SH3BP4: variants seen among roughly 807,000 people sequenced by gnomAD.
The protein encoded by SH3BP4 is SH3 domain-binding protein 4.
In SH3BP4, 33 loss-of-function variants were observed where a neutral mutation model predicts 65.5. That is an observed-to-expected ratio of 0.50 (90% CI 0.38 to 0.67). SH3BP4 has a LOEUF of 0.67. Among genes scored for constraint, SH3BP4 ranks in the 30% least tolerant of loss-of-function variants. The pLI is 0.00. For missense variants in SH3BP4, 1,134 were observed against 1,261.4 expected, an observed-to-expected ratio of 0.90 and a Z score of 1.53; for synonymous variants, 552 against 545.5, an observed-to-expected ratio of 1.01 and a Z score of -0.17.
rs1696135332 is a variant in SH3BP4, at chr2:235,053,669, G to A, written c.2745G>A (p.Gln915=). 1.9e-6 allele frequency: 3 copies of A among 1,614,226 alleles called. No individual in the cohort carries two copies. In the South Asian group the frequency reaches 3.3e-5, roughly 18 times the overall value. Residue 915 remains glutamine (Q), a synonymous_variant, in exon 6 of 6, where the codon CAG becomes CAA. Transcript: ENST00000392011. The part of the protein sequence containing the change: ...QIGDSYRDVI[Q]ELHLGLDKMK... ...GGGACAGCTACCGGGATGTCATCCA[G>A]GAGCTGCACCTGGGCCTGGACAAGA...
intron 2 of SH3BP4, among the ~76,000 whole-genome samples, chr2:235,032,157 C>T (rs1269827662): frequency 6.6e-6 from 1 of 152,192 alleles, no homozygotes; most frequent in Non-Finnish European, 1.5e-5. Flanking sequence ...AGAGCCTCAC[C>T]CGGCGCAGTC....
chr2:234,952,311 G>T lies in SH3BP4; in HGVS notation c.-207+141G>T, dbSNP rs1342697908. ...CGCCGATCGTGCCACCGCCGCCTGAGTTCGGGGCTGCGCGGGTGCCTGGGC... is the reference window on the plus strand; with the variant it reads ...CGCCGATCGTGCCACCGCCGCCTGATTTCGGGGCTGCGCGGGTGCCTGGGC... On this transcript the variant is annotated intron_variant, in intron 1 of 5. Coordinates refer to ENST00000392011, the MANE Select transcript of SH3BP4 (RefSeq NM_014521.3). The surrounding 1 kb of genome is among the most constrained non-coding windows in gnomAD (Gnocchi z 6.5). 1.3e-5 allele frequency: 2 copies of T among 150,782 alleles called. No homozygotes were observed. The highest frequency in any genetic ancestry group is 3.0e-5 in the Non-Finnish European group (2 of 67,596). The allele number at this position is 150,782 out of a possible 1,614,324, so 9.3% of individuals were successfully genotyped here. A position where few individuals can be genotyped will look rare whatever the true frequency, so the allele number is the denominator to read the frequency against.
rs1422555456 is a variant in SH3BP4 at position 234,974,139 on chromosome 2, G to A, written c.-206-21164G>A. ...CCAGCACTTTGGGAGGCCGAGGCAG[G>A]TGGATCACCTGAGGTCAGGAGTTCG... On this transcript the variant is annotated intron_variant, in intron 1 of 5. Transcript: ENST00000392011. The surrounding 1 kb of genome is among the most constrained non-coding windows in gnomAD (Gnocchi z 4.6). Among the ~76,000 whole-genome samples, 2 of 152,128 alleles carry A rather than the reference G, an allele frequency of 1.3e-5. No homozygotes were observed. The highest frequency in any genetic ancestry group is 4.8e-5 in the African/African-American group (2 of 41,452).
chr2:235,023,498 G>A (rs1223179561), intron 2 of SH3BP4, among the ~76,000 whole-genome samples: 1 of 152,132 alleles, frequency 6.6e-6, no homozygotes, highest in Admixed American at 6.5e-5. Context: ...AGTGAGCCGA[G>A]ATCGCATCAC....
Position 235,026,844 on chromosome 2 carries a change from C to T in SH3BP4, c.-132-8027C>T, listed in dbSNP as rs1216873073. On this transcript the variant is annotated intron_variant, in intron 2 of 5. Transcript: ENST00000392011. This position sits in a 1 kb window ranked among gnomAD's most constrained non-coding sequence, Gnocchi z 4.6. ...ACTGTGAGTGAGTCTGATCGGCTGG[C>T]GTGCCTGTCGGTGGCTGCCCATGCC... 2.0e-5 allele frequency among the ~76,000 whole-genome samples: 3 copies of T among 151,114 alleles called. No individual in the cohort carries two copies. Among genetic ancestry groups the T allele is most frequent in the Admixed American group, 6.6e-5 (1 of 15,220 alleles).
intron 1 of SH3BP4, among the ~76,000 whole-genome samples, chr2:234,971,023 C>T (rs535437183): frequency 6.6e-6 from 1 of 152,236 alleles, no homozygotes; most frequent in East Asian, 1.9e-4. Context: ...TAAAAAAATT[C>T]TAAAATTGTG....
rs1220408929 is a variant in SH3BP4 at position 235,054,472 on chromosome 2, C to A, written c.*656C>A. 1 of 152,336 alleles carries A rather than the reference C, an allele frequency of 6.6e-6. No homozygotes were observed. Among genetic ancestry groups the A allele is most frequent in the Non-Finnish European group, 1.5e-5 (1 of 68,142 alleles). 9.4% of individuals were successfully genotyped at this position (152,336 alleles called of 1,614,324 possible). The stretch of plus-strand genomic sequence containing the variant: ...GCCTCACTCGTAGTAAATGACCATC[C>A]ATAGAATATGTGAATCTTTGGTGAG... On this transcript the variant is annotated 3_prime_UTR_variant, in exon 6 of 6. Transcript: ENST00000392011.
At chr2:234,964,739 C>T (rs1022044793) in intron 1 of SH3BP4, among the ~76,000 whole-genome samples, 38 of 152,266 alleles carry the variant, frequency 2.5e-4, no homozygotes, top group African/African-American at 8.4e-4. Flanking sequence ...GATTCCGGGG[C>T]AGGTGGCTGG....
chr2:235,049,693 C>T (rs1185252876), intron 4 of SH3BP4, among the ~76,000 whole-genome samples: 3 of 152,144 alleles, frequency 2.0e-5, no homozygotes, highest in Non-Finnish European at 2.9e-5. Context: ...AGAAACAGAC[C>T]TTCTTCTGAA....
chr2:235,042,618 A>T lies in SH3BP4; in HGVS notation c.1849A>T (p.Ile617Phe), dbSNP rs765219028. ...TCCTCAGCCACCCCCTAAAAGTGCCATCAAGCCTTCCGGGCAAAGGAGGTT... is the reference window on the plus strand; with the variant it reads ...TCCTCAGCCACCCCCTAAAAGTGCCTTCAAGCCTTCCGGGCAAAGGAGGTT... The part of the protein sequence containing the change: ...QTPQPPPKSA[I>F]KPSGQRRFLK... The change falls in exon 4 of 6, where the codon ATC (isoleucine) becomes TTC (phenylalanine). Residue 617 changes from isoleucine to phenylalanine, a missense_variant. Transcript: ENST00000392011. This position sits in a 1 kb window ranked among gnomAD's most constrained non-coding sequence, Gnocchi z 7.3. 10 of 1,614,122 alleles carry T rather than the reference A, an allele frequency of 6.2e-6. No homozygotes were observed. Among genetic ancestry groups the T allele is most frequent in the South Asian group, 3.3e-5 (3 of 91,068 alleles).
chr2:235,024,513 A>T (rs1042930570), intron 2 of SH3BP4, among the ~76,000 whole-genome samples: 1 of 152,148 alleles, frequency 6.6e-6, no homozygotes, highest in Non-Finnish European at 1.5e-5. Flanking sequence ...GTGTGTCACT[A>T]ATGAGAACTG....
In SH3BP4 at chr2:235,042,953, C is replaced by T; in HGVS notation, c.2184C>T (p.Ser728=). The T allele has an allele frequency of 6.2e-7, 1 of 1,613,078 alleles. No individual in the cohort carries two copies. The highest frequency in any genetic ancestry group is 8.5e-7 in the Non-Finnish European group (1 of 1,179,762). Residue 728 remains serine, a synonymous_variant, in exon 4 of 6, where the codon AGC becomes AGT. Transcript: ENST00000392011. This position sits in a 1 kb window ranked among gnomAD's most constrained non-coding sequence, Gnocchi z 7.3. The part of the protein sequence containing the change: ...NVLVVGRARP[S]LCSGPELSTS... Reference sequence around the variant, plus strand: ...TGGTGGTCGGCAGGGCCCGGCCCAGCCTGTGCTCGGGCCCCGAGCTGAGCA... The same window carrying T: ...TGGTGGTCGGCAGGGCCCGGCCCAGTCTGTGCTCGGGCCCCGAGCTGAGCA...
rs1196812748 is a variant in SH3BP4 at position 235,033,729 on chromosome 2, C to G, written c.-132-1142C>G. Among the ~76,000 whole-genome samples the G allele has an allele frequency of 6.6e-6, 1 of 152,020 alleles. No individual in the cohort carries two copies. The highest frequency in any genetic ancestry group is 1.5e-5 in the Non-Finnish European group (1 of 68,044). ...CTGCACAGGGGCTCTCCAAGCCATG[C>G]TCACTGCACATGGAGCCTGGGGGAA... On this transcript the variant is annotated intron_variant, in intron 2 of 5. Transcript: ENST00000392011. The surrounding 1 kb of genome is among the most constrained non-coding windows in gnomAD (Gnocchi z 5.7).
rs982276574 is a variant in SH3BP4, at chr2:234,967,470, C to T, written c.-207+15300C>T. Among the ~76,000 whole-genome samples, 8 of 152,144 alleles carry T rather than the reference C, an allele frequency of 5.3e-5. No homozygotes were observed. Among genetic ancestry groups the T allele is most frequent in the Non-Finnish European group, 7.3e-5 (5 of 68,032 alleles). On this transcript the variant is annotated intron_variant, in intron 1 of 5. Coordinates refer to ENST00000392011, the MANE Select transcript of SH3BP4 (RefSeq NM_014521.3). The surrounding 1 kb of genome is among the most constrained non-coding windows in gnomAD (Gnocchi z 4.6). ...GCGGTCTCACCACTACACCCTGACA[C>T]GTGGGCTCTCCATCTTCCCTGCCTG...
rs760299894 is a variant in SH3BP4 at position 235,042,900 on chromosome 2, G to A, written c.2131G>A (p.Val711Met). Residue 711 changes from valine (V) to methionine (M), a missense_variant, in exon 4 of 6, where the codon GTG (valine) becomes ATG (methionine). By Grantham distance (21) the Val-to-Met change is conservative. Coordinates refer to ENST00000392011, the MANE Select transcript of SH3BP4 (RefSeq NM_014521.3). The surrounding 1 kb of genome is among the most constrained non-coding windows in gnomAD (Gnocchi z 7.3). Reference sequence around the variant, plus strand: ...GTACATCGGCTACTACCAGGGCAGGGTGGGCCTCGTGCACACCAAGAACGT... The same window carrying A: ...GTACATCGGCTACTACCAGGGCAGGATGGGCCTCGTGCACACCAAGAACGT... ...EWYIGYYQGR[V>M]GLVHTKNVLV... is the part of the protein sequence containing the mutation. 1.2e-6 allele frequency: 2 copies of A among 1,613,462 alleles called. No individual in the cohort carries two copies. The highest frequency in any genetic ancestry group is 3.3e-5 in the Admixed American group (2 of 60,026).
At chr2:235,020,896 C>T (rs1391057901) in intron 2 of SH3BP4, among the ~76,000 whole-genome samples, 1 of 152,210 alleles carries the variant, frequency 6.6e-6, no homozygotes, top group Admixed American at 6.5e-5. Context: ...GTCCATCAGC[C>T]AGACTCTAGG....
chr2:234,990,537 G>C (rs1693717313), intron 1 of SH3BP4, among the ~76,000 whole-genome samples: 1 of 152,176 alleles, frequency 6.6e-6, no homozygotes, highest in African/African-American at 2.4e-5. Context: ...ATATTCCCTG[G>C]GAACTCATGC....
intron 2 of SH3BP4, among the ~76,000 whole-genome samples, chr2:235,009,653 T>A (rs144778398): frequency 6.6e-6 from 1 of 152,106 alleles, no homozygotes; most frequent in Non-Finnish European, 1.5e-5. Flanking sequence ...GACTCTTGCC[T>A]CCTTCCCATA....
chr2:234,957,577 G>C (rs1692615499), intron 1 of SH3BP4, among the ~76,000 whole-genome samples: 1 of 151,594 alleles, frequency 6.6e-6, no homozygotes, highest in Non-Finnish European at 1.5e-5. Flanking sequence ...AGCAAGAGTA[G>C]AAGGCTTCAA....
Sources: allele counts gnomAD v4.1 joint callset (sites outside exome capture counted in the v4.1 genomes callset), GRCh38; gene constraint gnomAD v4.1.1; non-coding constraint Gnocchi (gnomAD v3.1); transcripts MANE v1.5; gene names NCBI Gene and HGNC (gene_info 2026-07-23, HGNC 2026-07-21).